Variants in GNL3L observed in about 807,000 individuals in gnomAD.
GNL3L encodes the protein guanine nucleotide-binding protein-like 3-like protein.
GNL3L carries 4 observed loss-of-function variants against 42.9 expected under a neutral mutation model. The observed-to-expected ratio is 0.09, with a 90% CI of 0.05 to 0.21. The LOEUF (loss-of-function observed/expected upper bound fraction) is 0.21. Ranked by LOEUF, GNL3L falls within the 10% of genes least tolerant of loss-of-function variation. GNL3L has a pLI of 1.00. For missense variants in GNL3L, 412 were observed against 481.7 expected, an observed-to-expected ratio of 0.86 and a Z score of 1.36; for synonymous variants, 159 against 176.3, an observed-to-expected ratio of 0.90 and a Z score of 0.78.
chrX:54,562,604 T>C lies in GNL3L; in HGVS notation c.*2002T>C, dbSNP rs1925301759. On this transcript the variant is annotated 3_prime_UTR_variant, in exon 16 of 16. Coordinates refer to ENST00000360845, the MANE Select transcript of GNL3L (RefSeq NM_001184819.2). The stretch of plus-strand genomic sequence containing the variant: ...TCAATACAGCTCTGCTAGTAAGGGA[T>C]TCGTCTCCCCAAATGAAAAAAAAAA... Among the ~76,000 whole-genome samples, 3 of 110,686 alleles carry C rather than the reference T, an allele frequency of 2.7e-5. No individual in the cohort carries two copies. In the South Asian group the frequency reaches 1.2e-3, roughly 43 times the overall value.
chrX:54,630,738 T>TTCTTTCTTTCTTTCTGTCTTTC, the GNL3L span, among the ~76,000 whole-genome samples: 1 of 67,541 alleles, frequency 1.5e-5, no homozygotes, highest in African/African-American at 7.4e-5. Flanking sequence ...CTTTCTTTCT[T>TTCTTTCTTTCTTTCTGTCTTTC]TCTCTTTCTT....
intron 16 of GNL3L, among the ~76,000 whole-genome samples, chrX:54,611,390 G>C (rs1926159767): frequency 9.0e-6 from 1 of 111,325 alleles, no homozygotes; most frequent in Non-Finnish European, 1.9e-5. Flanking sequence ...CTTCTGTTGG[G>C]TTTGGGTTTG....
intron 16 of GNL3L, among the ~76,000 whole-genome samples, chrX:54,574,630 T>C (rs780965134): frequency 4.6e-4 from 52 of 112,307 alleles, no homozygotes; most frequent in Non-Finnish European, 9.6e-4. Context: ...ATCAGAATAA[T>C]GCTAGCCTTA....
At chrX:54,553,106 T>C (rs1207650742) in intron 13 of GNL3L, among the ~76,000 whole-genome samples, 1 of 112,670 alleles carries the variant, frequency 8.9e-6, no homozygotes, top group African/African-American at 3.2e-5. Context: ...ATTTTTTTAA[T>C]AATGTAAAAG....
At chrX:54,614,591 C>G (rs1385955272) in intron 16 of GNL3L, among the ~76,000 whole-genome samples, 1 of 111,333 alleles carries the variant, frequency 9.0e-6, no homozygotes, top group Non-Finnish European at 1.9e-5. Flanking sequence ...CTCCCCGGGC[C>G]TTTCTGCTGC....
At chrX:54,601,506 C>G (rs1029431180) in intron 16 of GNL3L, among the ~76,000 whole-genome samples, 1 of 111,641 alleles carries the variant, frequency 9.0e-6, no homozygotes, top group Non-Finnish European at 1.9e-5. Flanking sequence ...TGTATAATAT[C>G]TAGGATTTTT....
At position 54,546,852 on chromosome X, in the gene GNL3L, G is replaced by T. The variant is rs143689815; in HGVS notation, c.631-1377G>T. 2.3e-4 allele frequency among the ~76,000 whole-genome samples: 25 copies of T among 109,557 alleles called. No individual in the cohort carries two copies. The East Asian group carries it at 6.9e-3, about 30-fold the overall frequency. ...GTAGAGACAGGGTTTCACCATGTTG[G>T]TCAGGCTGGTCTTGAACTCCTGACC... On this transcript the variant is annotated intron_variant, in intron 8 of 15. Coordinates refer to ENST00000360845, the MANE Select transcript of GNL3L (RefSeq NM_001184819.2).
chrX:54,539,858 G>C (rs1016425079), intron 3 of GNL3L, among the ~76,000 whole-genome samples: 1 of 111,815 alleles, frequency 8.9e-6, no homozygotes, highest in Non-Finnish European at 1.9e-5. Context: ...CCTAGCTATA[G>C]GAGAGAGGAC....
chrX:54,573,207 G>T (rs1601998879), intron 16 of GNL3L, among the ~76,000 whole-genome samples: 2 of 112,475 alleles, frequency 1.8e-5, no homozygotes, highest in South Asian at 7.2e-4. Flanking sequence ...CTGGGAGGTG[G>T]AGGTTGTAGC....
chrX:54,587,673 G>GTT (rs1253394013), intron 16 of GNL3L, among the ~76,000 whole-genome samples: 5 of 99,354 alleles, frequency 5.0e-5, no homozygotes, highest in South Asian at 4.4e-4. Context: ...GTAATAGGGT[G>GTT]TTTTTTTTTT....
the GNL3L span, among the ~76,000 whole-genome samples, chrX:54,641,881 G>T: frequency 8.9e-6 from 1 of 111,921 alleles, no homozygotes; most frequent in Non-Finnish European, 1.9e-5. Context: ...TGGGGGAGCA[G>T]TTCAAGGTGG....
At chrX:54,568,746 G>C (rs1354354600), downstream of GNL3L, among the ~76,000 whole-genome samples, 1 of 111,329 alleles carries the variant, frequency 9.0e-6, no homozygotes, top group Non-Finnish European at 1.9e-5. Flanking sequence ...GTAGAGATGG[G>C]GTTTCACCGT....
intron 12 of GNL3L, 106 bp downstream of exon 12, chrX:54,552,080 T>C (rs1035673000): frequency 3.0e-6 from 3 of 983,657 alleles, no homozygotes; most frequent in African/African-American, 3.8e-5. Flanking sequence ...TCCTGGGTCT[T>C]GGGGCAGAGG....
chrX:54,560,437 C>G (rs1925226072), intron 15 of GNL3L, 83 bp from the exon 16 acceptor site: 2 of 609,708 alleles, frequency 3.3e-6, no homozygotes, highest in East Asian at 6.6e-5. Flanking sequence ...TGGTGTAGAC[C>G]AAGGTAGATG....
intron 8 of GNL3L, among the ~76,000 whole-genome samples, chrX:54,544,739 A>G (rs185426347): frequency 1.3e-4 from 14 of 110,627 alleles, no homozygotes; most frequent in Admixed American, 3.9e-4. Flanking sequence ...CGGCCTCCCA[A>G]TGTGCTGGGA....
At chrX:54,627,581 T>C in the GNL3L span, among the ~76,000 whole-genome samples, 1 of 111,602 alleles carries the variant, frequency 9.0e-6, no homozygotes, top group African/African-American at 3.2e-5. Flanking sequence ...ACTTTTCTAG[T>C]TCCTTGAAAT....
intron 16 of GNL3L, among the ~76,000 whole-genome samples, chrX:54,594,178 T>C (rs1301559011): frequency 9.0e-6 from 1 of 111,678 alleles, no homozygotes; most frequent in Non-Finnish European, 1.9e-5. Context: ...TCTGCAAGAT[T>C]TGTCCAGTGC....
chrX:54,552,104 C>T, intron 12 of GNL3L, 130 bp downstream of exon 12: 1 of 847,395 alleles, frequency 1.2e-6, no homozygotes, highest in Non-Finnish European at 1.7e-6. Context: ...GCCAAGGTGC[C>T]AGGTCATGTC....
intron 16 of GNL3L, among the ~76,000 whole-genome samples, chrX:54,608,143 G>A (rs1198154595): frequency 9.0e-6 from 1 of 111,238 alleles, no homozygotes; most frequent in African/African-American, 3.3e-5. Flanking sequence ...TTGTATAGGG[G>A]GAGTGCTGTG....
Sources: gnomAD v4.1 joint callset for allele counts (sites outside exome capture counted in the v4.1 genomes callset) on GRCh38, gnomAD v4.1.1 for gene constraint, MANE v1.5 for transcripts, NCBI Gene and HGNC (gene_info 2026-07-23, HGNC 2026-07-21) for gene names.